CSMD1: variants seen among roughly 807,000 people sequenced by gnomAD.
CSMD1 encodes the protein CUB and sushi domain-containing protein 1.
Under a neutral mutation model 417.5 loss-of-function variants are expected in CSMD1, and 213 were observed. The observed-to-expected ratio is 0.51, with a 90% CI of 0.46 to 0.57. The LOEUF is 0.57. CSMD1 is among the 20% of genes least tolerant of loss of function. CSMD1 has a pLI of 0.00. For synonymous variants in CSMD1, 2,862 were observed against 1,736.8 expected, an observed-to-expected ratio of 1.65 and a Z score of -16.11; for missense variants, 6,923 against 4,529.7, an observed-to-expected ratio of 1.53 and a Z score of -15.17.
chr8:3,286,612 G>A (rs926412610), intron 25 of CSMD1, among the ~76,000 whole-genome samples: 1 of 151,806 alleles, frequency 6.6e-6, no homozygotes, highest in African/African-American at 2.4e-5. Context: ...TTTTTTGGCT[G>A]CATAAATGTC....
rs372912710 is a variant in CSMD1 at position 4,707,574 on chromosome 8, T to C, written c.86-70016A>G. 3.3e-4 allele frequency among the ~76,000 whole-genome samples: 50 copies of C among 152,178 alleles called. No individual in the cohort carries two copies. The South Asian group carries it at 0.01, about 31-fold the overall frequency. ...GATGCTAACTAAATTCCCAGGTTTT[T>C]ACTGCAAACGAGCAACAAGAGAGGG... On this transcript the variant is annotated intron_variant, in intron 1 of 69. Coordinates refer to ENST00000635120, the MANE Select transcript of CSMD1 (RefSeq NM_033225.6).
chr8:4,814,215 T>TGTGTGC (rs138063472), intron 1 of CSMD1, among the ~76,000 whole-genome samples: 6,832 of 151,536 alleles, frequency 0.045, 277 homozygotes, highest in East Asian at 0.23. Context: ...TGTGTGTGTG[T>TGTGTGC]GTGCGTGTGC....
chr8:3,255,445 G>T lies in CSMD1; in HGVS notation c.4154-25214C>A, dbSNP rs181660640. Among the ~76,000 whole-genome samples the T allele has an allele frequency of 2.9e-3, 443 of 152,314 alleles. 2 individuals are homozygous for T. Among genetic ancestry groups the T allele is most frequent in the African/African-American group, 0.01 (422 of 41,574 alleles). On this transcript the variant is annotated intron_variant, in intron 26 of 69. Coordinates refer to ENST00000635120, the MANE Select transcript of CSMD1 (RefSeq NM_033225.6). ...GCACAGGTTTCTGCTGCCTTTTGTT[G>T]TCTGTGCCCTGCCCCCAGAGGTGGA...
chr8:3,145,393 C>A (rs1387629092), intron 40 of CSMD1, among the ~76,000 whole-genome samples: 1 of 152,090 alleles, frequency 6.6e-6, no homozygotes, highest in African/African-American at 2.4e-5. Flanking sequence ...ATTCATGAAC[C>A]GGCACAGTCA....
chr8:3,762,309 GTCGTTTCTGGC>G (rs1798052772), intron 5 of CSMD1, among the ~76,000 whole-genome samples: 1 of 152,114 alleles, frequency 6.6e-6, no homozygotes, highest in Admixed American at 6.5e-5. Flanking sequence ...CACCTGCCTG[GTCGTTTCTGGC>G]TCTCCTTTAA....
intron 1 of CSMD1, among the ~76,000 whole-genome samples, chr8:4,738,146 A>C (rs1478263): frequency 0.38 from 57,943 of 152,024 alleles, 11,867 homozygotes; most frequent in Admixed American, 0.5. Context: ...AAACAGAATT[A>C]AACAGAATAT....
intron 26 of CSMD1, among the ~76,000 whole-genome samples, chr8:3,250,871 G>C (rs1800205995): frequency 6.6e-6 from 1 of 152,190 alleles, no homozygotes; most frequent in Non-Finnish European, 1.5e-5. Context: ...CTTTTGAGAA[G>C]TGTCTGTTCA....
At chr8:3,475,583 A>T (rs1337684731) in intron 11 of CSMD1, among the ~76,000 whole-genome samples, 1 of 152,200 alleles carries the variant, frequency 6.6e-6, no homozygotes, top group Non-Finnish European at 1.5e-5. Context: ...TCTATGAAAC[A>T]AGAGAATTGT....
Position 3,812,247 on chromosome 8 carries a change from C to A in CSMD1, c.819-58205G>T, listed in dbSNP as rs1312264852. On this transcript the variant is annotated intron_variant, in intron 5 of 69. Transcript: ENST00000635120. Reference sequence around the variant, plus strand: ...AAAAGATACAGGAAAGGGAACTTCACAAAATAAATAAAATAATAATGCATT... The same window carrying A: ...AAAAGATACAGGAAAGGGAACTTCAAAAAATAAATAAAATAATAATGCATT... Among the ~76,000 whole-genome samples the A allele has an allele frequency of 3.3e-5, 5 of 152,254 alleles. No individual in the cohort carries two copies. In the East Asian group the frequency reaches 9.7e-4, roughly 29 times the overall value.
At chr8:4,303,866 A>T (rs1362376917) in intron 3 of CSMD1, among the ~76,000 whole-genome samples, 1 of 152,064 alleles carries the variant, frequency 6.6e-6, no homozygotes, top group Non-Finnish European at 1.5e-5. Context: ...TATGTTGCCC[A>T]GGCTGGTCTC....
intron 12 of CSMD1, among the ~76,000 whole-genome samples, chr8:3,465,279 C>T (rs1315269104): frequency 6.6e-6 from 1 of 152,116 alleles, no homozygotes; most frequent in East Asian, 1.9e-4. Flanking sequence ...AAAAATGCTC[C>T]TAAAAGGGTC....
Position 2,979,603 on chromosome 8 carries a change from G to A in CSMD1, c.8378-803C>T, listed in dbSNP as rs184333577. ...TATTTCTGGCTCAGAAAAGCACTGT[G>A]CAAATGAATCTCGGGCGGCCTCTGC... On this transcript the variant is annotated intron_variant, in intron 54 of 69. Transcript: ENST00000635120. Among the ~76,000 whole-genome samples the A allele has an allele frequency of 5.3e-5, 8 of 152,360 alleles. No individual in the cohort carries two copies. In the East Asian group the frequency reaches 1.3e-3, roughly 26 times the overall value.
chr8:4,605,151 A>G (rs1225372338), intron 2 of CSMD1, among the ~76,000 whole-genome samples: 1 of 152,230 alleles, frequency 6.6e-6, no homozygotes, highest in African/African-American at 2.4e-5. Context: ...CCGTGTTCAC[A>G]ATTCTCAAAA....
chr8:4,517,906 C>G (rs990817822), intron 2 of CSMD1, among the ~76,000 whole-genome samples: 1 of 152,122 alleles, frequency 6.6e-6, no homozygotes, highest in African/African-American at 2.4e-5. Flanking sequence ...TGTCTAGTAA[C>G]AGTCTAAGAG....
rs145534644 is a variant in CSMD1, at chr8:4,898,990, T to G, written c.85+95342A>C. Among the ~76,000 whole-genome samples, 919 of 152,300 alleles carry G rather than the reference T, an allele frequency of 6.0e-3. 7 individuals are homozygous for G. Among genetic ancestry groups the G allele is most frequent in the Admixed American group, 0.011 (171 of 15,302 alleles). On this transcript the variant is annotated intron_variant, in intron 1 of 69. Transcript: ENST00000635120. ...TTAATATTACGGTAATGATATCTAC[T>G]TAAAAATAGAAAAGTGAGAGTTTTA...
intron 3 of CSMD1, among the ~76,000 whole-genome samples, chr8:4,201,278 C>A (rs954423051): frequency 3.3e-5 from 5 of 152,240 alleles, no homozygotes; most frequent in African/African-American, 1.2e-4. Flanking sequence ...GTGGCTCACG[C>A]CTGTAATCCC....
intron 1 of CSMD1, among the ~76,000 whole-genome samples, chr8:4,806,676 T>C (rs1373854290): frequency 1.3e-5 from 2 of 152,202 alleles, no homozygotes; most frequent in Admixed American, 6.5e-5. Context: ...ATTTGAACCA[T>C]GGTCGCAGTG....
intron 4 of CSMD1, among the ~76,000 whole-genome samples, chr8:4,016,348 T>G (rs968356578): frequency 6.6e-6 from 1 of 152,114 alleles, no homozygotes; most frequent in African/African-American, 2.4e-5. Context: ...TCTCAGACAT[T>G]TTGCAATCTC....
intron 1 of CSMD1, among the ~76,000 whole-genome samples, chr8:4,783,508 A>G (rs925620609): frequency 6.6e-6 from 1 of 152,238 alleles, no homozygotes; most frequent in Non-Finnish European, 1.5e-5. Flanking sequence ...TTAAATAAAG[A>G]AAAACATTAA....
Sources: allele counts gnomAD v4.1 joint callset (sites outside exome capture counted in the v4.1 genomes callset), GRCh38; gene constraint gnomAD v4.1.1; transcripts MANE v1.5; gene names NCBI Gene and HGNC (gene_info 2026-07-23, HGNC 2026-07-21).